ZBTB24: variants seen among roughly 807,000 people sequenced by gnomAD.
ZBTB24 encodes the protein zinc finger and BTB domain-containing protein 24.
Under a neutral mutation model 53.8 loss-of-function variants are expected in ZBTB24, and 32 were observed. The ratio of observed to expected loss-of-function variants is 0.60; its 90% CI spans 0.45 to 0.80. The LOEUF is 0.80. Among genes scored for constraint, ZBTB24 ranks in the 30% least tolerant of loss-of-function variants. The probability of loss-of-function intolerance (pLI) is 0.00; values close to 1 mark genes in which losing one functional copy is unlikely to be tolerated. For missense variants in ZBTB24, 722 were observed against 837.1 expected, an observed-to-expected ratio of 0.86 and a Z score of 1.70; for synonymous variants, 297 against 306.7, an observed-to-expected ratio of 0.97 and a Z score of 0.33.
rs1247643755 is a variant in ZBTB24, at chr6:109,468,443, C to T, written c.1289-709G>A. Among the ~76,000 whole-genome samples the T allele has an allele frequency of 5.9e-5, 9 of 152,086 alleles. 1 individual carries two copies. Among genetic ancestry groups the T allele is most frequent in the South Asian group, 2.1e-4 (1 of 4,806 alleles). ...ACCCTACTCCTCACCCCAAACTTCC[C>T]GGATCTCATCTCAGGGTGTCTCCCA... On this transcript the variant is annotated intron_variant, in intron 5 of 6. Transcript: ENST00000230122.
At position 109,465,913 on chromosome 6, in the gene ZBTB24, C is replaced by A; in HGVS notation, c.2032G>T (p.Gly678Cys). The change falls in exon 7 of 7, where the codon GGT (glycine) becomes TGT (cysteine). Residue 678 changes from glycine to cysteine, a missense_variant. Transcript: ENST00000230122. ...AQHLQLTQEP[G>C]PPPPTHHVPQ... Reference sequence around the variant, plus strand: ...ACGTGGTGAGTGGGTGGTGGCGGACCAGGCTCCTGTGTCAGCTGCAGGTGC... The same window carrying A: ...ACGTGGTGAGTGGGTGGTGGCGGACAAGGCTCCTGTGTCAGCTGCAGGTGC... 6.2e-7 allele frequency: 1 copy of A among 1,614,144 alleles called. No homozygotes were observed. Among genetic ancestry groups the A allele is most frequent in the Non-Finnish European group, 8.5e-7 (1 of 1,180,040 alleles).
Position 109,480,099 on chromosome 6 carries a change from G to GCC in ZBTB24, c.952+975_952+976insGG, listed in dbSNP as rs577827511. 5.3e-5 allele frequency among the ~76,000 whole-genome samples: 8 copies of GCC among 152,190 alleles called. No homozygotes were observed. The South Asian group carries it at 1.0e-3, about 20-fold the overall frequency. Reference sequence around the variant, plus strand: ...CAGACAACTAAATCAGAAGCTCTGGGGTGGAGGTCTAGGCACTGGTAGTTT... The same window carrying GCC: ...CAGACAACTAAATCAGAAGCTCTGGGCCGTGGAGGTCTAGGCACTGGTAGTTT... On this transcript the variant is annotated intron_variant, in intron 2 of 6. Coordinates refer to ENST00000230122, the MANE Select transcript of ZBTB24 (RefSeq NM_014797.3).
chr6:109,468,357 C>T (rs1776095594), intron 5 of ZBTB24, among the ~76,000 whole-genome samples: 2 of 151,902 alleles, frequency 1.3e-5, no homozygotes, highest in Non-Finnish European at 1.5e-5. Flanking sequence ...GATGATTTCC[C>T]ACCCCAGGAT....
At chr6:109,471,625 G>A (rs1776167863) in intron 5 of ZBTB24, among the ~76,000 whole-genome samples, 1 of 152,166 alleles carries the variant, frequency 6.6e-6, no homozygotes, top group South Asian at 2.1e-4. Context: ...TGGGGTCAGA[G>A]GTCACTCACC....
rs191729977 is a variant in ZBTB24 at position 109,473,520 on chromosome 6, G to C, written c.1288+1879C>G. ...TTCCCAAACCAGTCCATGCATAAAAGAGCAACTCTCTTTCCGGCATCCCGC... is the reference window on the plus strand; with the variant it reads ...TTCCCAAACCAGTCCATGCATAAAACAGCAACTCTCTTTCCGGCATCCCGC... On this transcript the variant is annotated intron_variant, in intron 5 of 6. Coordinates refer to ENST00000230122, the MANE Select transcript of ZBTB24 (RefSeq NM_014797.3). 1.5e-3 allele frequency among the ~76,000 whole-genome samples: 229 copies of C among 152,208 alleles called. 1 individual carries two copies. Among genetic ancestry groups the C allele is most frequent in the African/African-American group, 5.0e-3 (207 of 41,532 alleles).
chr6:109,478,268 A>G (rs1354253630), intron 2 of ZBTB24, among the ~76,000 whole-genome samples: 2 of 152,212 alleles, frequency 1.3e-5, no homozygotes, highest in Non-Finnish European at 2.9e-5. Context: ...CAGACCTTGG[A>G]TATAGATTAA....
chr6:109,474,874 C>A (rs1776248518), intron 5 of ZBTB24, among the ~76,000 whole-genome samples: 1 of 151,520 alleles, frequency 6.6e-6, no homozygotes, highest in Non-Finnish European at 1.5e-5. Context: ...CCCATCTCTA[C>A]AAAAATTAAA....
chr6:109,481,952 G>T lies in ZBTB24; in HGVS notation c.75C>A (p.Ala25=), dbSNP rs1776427333. The change falls in exon 2 of 7, where the codon GCC becomes GCA. Residue 25 remains alanine (A), a synonymous_variant. Coordinates refer to ENST00000230122, the MANE Select transcript of ZBTB24 (RefSeq NM_014797.3). The part of the protein sequence containing the change: ...HSDAHSDTVL[A]SFEDQRKKGF... ...CTTTCTTCCTCTGATCCTCAAAACT[G>T]GCCAGCACAGTGTCACTGTGAGCGT... 6.2e-7 allele frequency: 1 copy of T among 1,614,084 alleles called. No homozygotes were observed. Among genetic ancestry groups the T allele is most frequent in the Non-Finnish European group, 8.5e-7 (1 of 1,180,044 alleles).
At chr6:109,466,902 TTGTC>T in intron 6 of ZBTB24, among the ~76,000 whole-genome samples, 1 of 152,314 alleles carries the variant, frequency 6.6e-6, no homozygotes, top group East Asian at 1.9e-4. Context: ...CTCTTTTGTT[TTGTC>T]TTAGTTTTCA....
At chr6:109,480,025 C>T (rs975712833) in intron 2 of ZBTB24, among the ~76,000 whole-genome samples, 6 of 151,528 alleles carry the variant, frequency 4.0e-5, no homozygotes, top group African/African-American at 1.5e-4. Context: ...AGCTCTTCAA[C>T]CTATCTGTAG....
At chr6:109,469,819 G>T in intron 5 of ZBTB24, among the ~76,000 whole-genome samples, 1 of 152,188 alleles carries the variant, frequency 6.6e-6, no homozygotes. Flanking sequence ...CTGGAAAGAA[G>T]CCTGGGCCAG....
Position 109,465,405 on chromosome 6 carries a change from T to A in ZBTB24, c.*446A>T, listed in dbSNP as rs1211573172. 3.8e-6 allele frequency: 2 copies of A among 524,350 alleles called. No homozygotes were observed. The highest frequency in any genetic ancestry group is 4.9e-5 in the South Asian group (2 of 40,672). 32.5% of individuals were successfully genotyped at this position (524,350 alleles called of 1,614,324 possible). Reference sequence around the variant, plus strand: ...CCCTGACTTGTCTTGTGGTAACAACTGTGTTGCCTAAGAAAAATAAGAAAA... The same window carrying A: ...CCCTGACTTGTCTTGTGGTAACAACAGTGTTGCCTAAGAAAAATAAGAAAA... On this transcript the variant is annotated 3_prime_UTR_variant, in exon 7 of 7. Transcript: ENST00000230122.
At chr6:109,478,556 C>A (rs1420430427) in intron 2 of ZBTB24, among the ~76,000 whole-genome samples, 2 of 152,064 alleles carry the variant, frequency 1.3e-5, no homozygotes, top group Non-Finnish European at 2.9e-5. Context: ...AAAAAATTAG[C>A]CAGGCATGGT....
chr6:109,481,820 C>G lies in ZBTB24; in HGVS notation c.207G>C (p.Glu69Asp). The G allele has an allele frequency of 6.2e-7, 1 of 1,614,230 alleles. No homozygotes were observed. The highest frequency in any genetic ancestry group is 8.5e-7 in the Non-Finnish European group (1 of 1,180,040). The change falls in exon 2 of 7, where the codon GAG becomes GAC. Residue 69 changes from glutamate to aspartate, a missense_variant. Coordinates refer to ENST00000230122, the MANE Select transcript of ZBTB24 (RefSeq NM_014797.3). Reference protein sequence around the residue: ...SEYFSMMFAEEGEIGQSIYML... With the variant: ...SEYFSMMFAEDGEIGQSIYML... Reference sequence around the variant, plus strand: ...TATAAATGGATTGGCCGATTTCCCCCTCTTCTGCAAACATCATTGAGAAGT... The same window carrying G: ...TATAAATGGATTGGCCGATTTCCCCGTCTTCTGCAAACATCATTGAGAAGT...
At chr6:109,473,919 T>A in intron 5 of ZBTB24, among the ~76,000 whole-genome samples, 1 of 150,690 alleles carries the variant, frequency 6.6e-6, no homozygotes. Context: ...ACCCTGTCTC[T>A]ACAAAAAAAA....
At chr6:109,476,384 T>C (rs748160259) in intron 3 of ZBTB24, 126 bp from the exon 4 acceptor site, 5 of 941,138 alleles carry the variant, frequency 5.3e-6, no homozygotes, top group Non-Finnish European at 8.2e-6. Context: ...GCGACTTGTT[T>C]ACATACCCAG....
chr6:109,465,276 C>T lies in ZBTB24; in HGVS notation c.*575G>A, dbSNP rs1776005351. ...TTCTGAAGTGTTAACACAATAAGCC[C>T]ACTGTACTGCATAAAGATAAAACGT... On this transcript the variant is annotated 3_prime_UTR_variant, in exon 7 of 7. Transcript: ENST00000230122. 18 of 204,240 alleles carry T rather than the reference C, an allele frequency of 8.8e-5. No individual in the cohort carries two copies. The South Asian group carries it at 1.7e-3, about 19-fold the overall frequency. The allele number at this position is 204,240 out of a possible 1,614,324, so 12.7% of individuals were successfully genotyped here.
intron 4 of ZBTB24, 144 bp downstream of exon 4, chr6:109,476,031 A>G: frequency 1.2e-6 from 1 of 810,578 alleles, no homozygotes; most frequent in Non-Finnish European, 2.0e-6. Flanking sequence ...AAAACATGTA[A>G]TTTAGACTCT....
Position 109,483,211 on chromosome 6 carries a change from C to T in ZBTB24, c.-142G>A, listed in dbSNP as rs563188860. 21 of 152,148 alleles carry T rather than the reference C, an allele frequency of 1.4e-4. No individual in the cohort carries two copies. Among genetic ancestry groups the T allele is most frequent in the East Asian group, 9.7e-4 (5 of 5,160 alleles). 9.4% of individuals were successfully genotyped at this position (152,148 alleles called of 1,614,324 possible). On this transcript the variant is annotated 5_prime_UTR_variant, in exon 1 of 7. Transcript: ENST00000230122. ...TCTGCTCCTGCGCCGCCGCCGCAGCCACAGCCACAGCCAACCCGGAAGCGC... is the reference window on the plus strand; with the variant it reads ...TCTGCTCCTGCGCCGCCGCCGCAGCTACAGCCACAGCCAACCCGGAAGCGC...
Sources: allele counts gnomAD v4.1 joint callset (sites outside exome capture counted in the v4.1 genomes callset), GRCh38; gene constraint gnomAD v4.1.1; transcripts MANE v1.5; gene names NCBI Gene and HGNC (gene_info 2026-07-23, HGNC 2026-07-21).